SEMA3A: variants seen among roughly 807,000 people sequenced by gnomAD.
SEMA3A encodes the protein semaphorin-3A.
In SEMA3A, 29 loss-of-function variants were observed where a neutral mutation model predicts 97.9. That is an observed-to-expected ratio of 0.30 (90% CI 0.22 to 0.40). SEMA3A has a LOEUF of 0.40. SEMA3A is among the 10% of genes least tolerant of loss of function. The probability of loss-of-function intolerance (pLI) is 1.00; values close to 1 mark genes in which losing one functional copy is unlikely to be tolerated. For missense variants in SEMA3A, 763 were observed against 951.3 expected, an observed-to-expected ratio of 0.80 and a Z score of 2.60; for synonymous variants, 321 against 323.7, an observed-to-expected ratio of 0.99 and a Z score of 0.09.
intron 1 of SEMA3A, among the ~76,000 whole-genome samples, chr7:84,491,213 C>T (rs1038419242): frequency 3.3e-5 from 5 of 151,986 alleles, no homozygotes; most frequent in Non-Finnish European, 7.4e-5. Context: ...AAAACATTGG[C>T]CGATGGGGAA....
At chr7:84,323,843 T>C (rs1014616765) in intron 2 of SEMA3A, among the ~76,000 whole-genome samples, 1 of 152,188 alleles carries the variant, frequency 6.6e-6, no homozygotes, top group Admixed American at 6.5e-5. Flanking sequence ...GACAGTAATA[T>C]CCCATGAATT....
chr7:84,463,347 C>G (rs1470000801), intron 1 of SEMA3A, among the ~76,000 whole-genome samples: 1 of 144,818 alleles, frequency 6.9e-6, no homozygotes, highest in Non-Finnish European at 1.5e-5. Flanking sequence ...CTCCCGGGTT[C>G]AGGCCATTCT....
At chr7:84,376,527 C>A (rs1803104525) in intron 1 of SEMA3A, among the ~76,000 whole-genome samples, 1 of 133,026 alleles carries the variant, frequency 7.5e-6, no homozygotes, top group Non-Finnish European at 1.6e-5. Flanking sequence ...TGGCGTGAAC[C>A]CGGGAGGCGG....
intron 3 of SEMA3A, among the ~76,000 whole-genome samples, chr7:84,237,701 T>C (rs1208544121): frequency 6.6e-6 from 1 of 152,088 alleles, no homozygotes; most frequent in Non-Finnish European, 1.5e-5. Context: ...TCACTGAGTT[T>C]CATGAGTGAT....
At chr7:84,432,599 C>G (rs1805010420) in intron 1 of SEMA3A, among the ~76,000 whole-genome samples, 2 of 152,052 alleles carry the variant, frequency 1.3e-5, no homozygotes, top group South Asian at 4.1e-4. Flanking sequence ...CCATGAGTAG[C>G]CAGTATTTAG....
At chr7:84,477,658 A>T (rs887124701) in intron 1 of SEMA3A, among the ~76,000 whole-genome samples, 1 of 152,094 alleles carries the variant, frequency 6.6e-6, no homozygotes, top group African/African-American at 2.4e-5. Flanking sequence ...TATAACTAAG[A>T]TATATTTCCA....
intron 1 of SEMA3A, among the ~76,000 whole-genome samples, chr7:84,487,954 C>A (rs2116446984): frequency 6.6e-6 from 1 of 152,088 alleles, no homozygotes; most frequent in Non-Finnish European, 1.5e-5. Flanking sequence ...GAAGGAACTT[C>A]CTCATGTTCA....
At chr7:84,443,488 A>G (rs1805324486) in intron 1 of SEMA3A, among the ~76,000 whole-genome samples, 1 of 152,168 alleles carries the variant, frequency 6.6e-6, no homozygotes. Flanking sequence ...AAAAAGATCA[A>G]TGCCCTTTAC....
rs374065716 is a variant in SEMA3A at position 84,282,478 on chromosome 7, C to T, written c.-83+24729G>A. On this transcript the variant is annotated intron_variant, in intron 3 of 3. Coordinates refer to the SEMA3A transcript ENST00000424555. ...ATTTATTAAAATGTTATTATCTTTACTGTTTCCCCCATTTATTAACAAACA... is the reference window on the plus strand; with the variant it reads ...ATTTATTAAAATGTTATTATCTTTATTGTTTCCCCCATTTATTAACAAACA... Among the ~76,000 whole-genome samples the T allele has an allele frequency of 5.9e-5, 9 of 152,164 alleles. 1 individual carries two copies. The highest frequency in any genetic ancestry group is 1.3e-4 in the Admixed American group (2 of 15,278).
intron 1 of SEMA3A, among the ~76,000 whole-genome samples, chr7:84,443,259 G>A (rs1805316923): frequency 6.6e-6 from 1 of 152,040 alleles, no homozygotes; most frequent in African/African-American, 2.4e-5. Context: ...TTAAAAGATA[G>A]ATCACACAAA....
In SEMA3A at chr7:83,988,150, T is replaced by C. The variant is rs537574861; in HGVS notation, c.1453-2673A>G. ...CCACTCCTAACATATTTACTGTTCC[T>C]TGCCCACTCCTTTCTACTCTCCTTT... On this transcript the variant is annotated intron_variant, in intron 12 of 16. Coordinates refer to ENST00000265362, the MANE Select transcript of SEMA3A (RefSeq NM_006080.3). 2.2e-4 allele frequency among the ~76,000 whole-genome samples: 33 copies of C among 152,246 alleles called. No individual in the cohort carries two copies. In the South Asian group the frequency reaches 6.8e-3, roughly 32 times the overall value.
At chr7:84,296,373 C>T (rs941199318) in intron 3 of SEMA3A, among the ~76,000 whole-genome samples, 1 of 152,112 alleles carries the variant, frequency 6.6e-6, no homozygotes, top group African/African-American at 2.4e-5. Context: ...CGCTTATCTA[C>T]TAGTTTAGAA....
intron 1 of SEMA3A, among the ~76,000 whole-genome samples, chr7:84,476,481 T>C (rs1806284974): frequency 1.3e-5 from 2 of 152,098 alleles, no homozygotes; most frequent in South Asian, 2.1e-4. Context: ...CACTTGAAGA[T>C]AGTTTCATTA....
At chr7:84,361,133 A>G (rs1276227819) in intron 2 of SEMA3A, among the ~76,000 whole-genome samples, 1 of 152,076 alleles carries the variant, frequency 6.6e-6, no homozygotes, top group Non-Finnish European at 1.5e-5. Flanking sequence ...AACAGACTTC[A>G]TTGACTTTGG....
intron 1 of SEMA3A, among the ~76,000 whole-genome samples, chr7:84,480,359 A>C (rs1032616461): frequency 3.3e-5 from 5 of 152,272 alleles, no homozygotes; most frequent in Non-Finnish European, 7.3e-5. Context: ...GAAGTGAAAA[A>C]TAGTAACACA....
intron 1 of SEMA3A, among the ~76,000 whole-genome samples, chr7:84,151,202 C>T (rs955688801): frequency 5.3e-5 from 8 of 151,988 alleles, no homozygotes; most frequent in East Asian, 1.9e-4. Flanking sequence ...TCCAAAGGAA[C>T]GCAGCTCCTC....
intron 4 of SEMA3A, among the ~76,000 whole-genome samples, chr7:84,108,541 A>T (rs540853328): frequency 2.0e-5 from 3 of 152,292 alleles, no homozygotes; most frequent in Admixed American, 1.3e-4. Context: ...CACAGCTAGT[A>T]AGTTGTAGAG....
intron 2 of SEMA3A, among the ~76,000 whole-genome samples, chr7:84,348,699 T>C (rs1443035435): frequency 6.6e-6 from 1 of 152,078 alleles, no homozygotes; most frequent in Non-Finnish European, 1.5e-5. Context: ...ACGTTCTGTA[T>C]TTTGGCCAGG....
intron 3 of SEMA3A, among the ~76,000 whole-genome samples, chr7:84,241,089 A>G (rs2116379118): frequency 6.6e-6 from 1 of 152,330 alleles, no homozygotes; most frequent in African/African-American, 2.4e-5. Context: ...CCTTTATAGT[A>G]GAATGATTTA....
Sources: allele counts gnomAD v4.1 joint callset (sites outside exome capture counted in the v4.1 genomes callset), GRCh38; gene constraint gnomAD v4.1.1; transcripts MANE v1.5; gene names NCBI Gene and HGNC (gene_info 2026-07-23, HGNC 2026-07-21).